The following FRAS1 variants were observed in gnomAD, a reference collection of about 807,000 sequenced individuals.
FRAS1 encodes the protein extracellular matrix organizing protein FRAS1.
In FRAS1, 290 loss-of-function variants were observed where a neutral mutation model predicts 435.2. That is an observed-to-expected ratio of 0.67 (90% CI 0.61 to 0.73). The LOEUF is 0.73. Ranked by LOEUF, FRAS1 falls within the 30% of genes least tolerant of loss-of-function variation. FRAS1 has a pLI of 0.00. For synonymous variants in FRAS1, 1,800 were observed against 1,851.0 expected (o/e 0.97, Z 0.71); for missense variants, 4,860 against 5,001.5 (o/e 0.97, Z 0.85).
At chr4:78,484,280 T>C (rs1255143432) in intron 58 of FRAS1, among the ~76,000 whole-genome samples, 1 of 152,222 alleles carries the variant, frequency 6.6e-6, no homozygotes, top group African/African-American at 2.4e-5. Context: ...CACCATTTGT[T>C]TACTCACCTA....
At chr4:78,271,776 C>A (rs7698625) in intron 9 of FRAS1, among the ~76,000 whole-genome samples, 4 of 151,964 alleles carry the variant, frequency 2.6e-5, no homozygotes, top group African/African-American at 9.7e-5. Flanking sequence ...AATAAACATA[C>A]GTGTGCATGT....
chr4:78,451,900 A>T lies in FRAS1; in HGVS notation c.6583+9A>T. The T allele has an allele frequency of 6.2e-7, 1 of 1,605,734 alleles. No individual in the cohort carries two copies. Among genetic ancestry groups the T allele is most frequent in the Non-Finnish European group, 8.5e-7 (1 of 1,176,184 alleles). On this transcript the variant is annotated intron_variant, in intron 46 of 73. Coordinates refer to ENST00000512123, the MANE Select transcript of FRAS1 (RefSeq NM_025074.7). ...TTCCATCAGCATTCTAGGTAAAGAG[A>T]CATTTGATTTTCTAATATAAAACTA...
intron 31 of FRAS1, among the ~76,000 whole-genome samples, chr4:78,410,408 A>T (rs1051485727): frequency 1.3e-5 from 2 of 150,658 alleles, no homozygotes; most frequent in African/African-American, 4.9e-5. Context: ...AAAAATAAAA[A>T]ATAAAAATAA....
chr4:78,147,454 C>G (rs1720464442), intron 2 of FRAS1, among the ~76,000 whole-genome samples: 1 of 152,132 alleles, frequency 6.6e-6, no homozygotes, highest in African/African-American at 2.4e-5. Flanking sequence ...TGTATCCTCT[C>G]TGAGTCTCAG....
chr4:78,110,337 C>T (rs1742637364), intron 2 of FRAS1, among the ~76,000 whole-genome samples: 1 of 127,992 alleles, frequency 7.8e-6, no homozygotes, highest in Admixed American at 8.5e-5. Flanking sequence ...ATCACACTAC[C>T]TGAGTTCAAA....
At chr4:78,500,809 T>C (rs1496588) in intron 61 of FRAS1, among the ~76,000 whole-genome samples, 71,850 of 151,834 alleles carry the variant, frequency 0.47, 17,197 homozygotes, top group South Asian at 0.57. Context: ...TATCTCAAGA[T>C]GGAACTGTCT....
intron 34 of FRAS1, among the ~76,000 whole-genome samples, chr4:78,423,085 G>A (rs1733854476): frequency 6.6e-6 from 1 of 152,102 alleles, no homozygotes; most frequent in Admixed American, 6.5e-5. Context: ...TGACCAGAAA[G>A]CAGGAGTTTT....
intron 14 of FRAS1, among the ~76,000 whole-genome samples, chr4:78,303,802 C>T (rs900314416): frequency 1.1e-4 from 17 of 151,244 alleles, no homozygotes; most frequent in Non-Finnish European, 1.0e-4. Flanking sequence ...CATCTGCAAA[C>T]AGGTACAATT....
chr4:78,432,974 T>C (rs1734272524), intron 38 of FRAS1, among the ~76,000 whole-genome samples: 1 of 152,212 alleles, frequency 6.6e-6, no homozygotes, highest in Non-Finnish European at 1.5e-5. Context: ...CAATGACTAG[T>C]AGGTAATGAT....
chr4:78,473,521 A>T lies in FRAS1; in HGVS notation c.7606A>T (p.Lys2536Ter), dbSNP rs1438174608. The T allele has an allele frequency of 6.2e-7, 1 of 1,613,412 alleles. No individual in the cohort carries two copies. Residue 2536 changes from lysine (K) to a stop codon, truncating the protein, a stop_gained, in exon 53 of 74, where the codon AAA becomes TAA. Coordinates refer to ENST00000512123, the MANE Select transcript of FRAS1 (RefSeq NM_025074.7). LOFTEE classifies it high-confidence loss of function. ...EMMDSFQFLV[K>*]DSKPNVVSDN... The stretch of plus-strand genomic sequence containing the variant: ...GATGGATAGTTTTCAGTTTCTGGTG[A>T]AAGACAGTAAACCCAATGTGGTCAG...
At chr4:78,183,732 TTGTGTGTG>T (rs3974339) in intron 2 of FRAS1, among the ~76,000 whole-genome samples, 1,858 of 137,028 alleles carry the variant, frequency 0.014, 23 homozygotes, top group Middle Eastern at 0.04. Flanking sequence ...TTCATTCTCT[TTGTGTGTG>T]TGTGTGTGTG....
chr4:78,205,377 A>T (rs1723214494), intron 2 of FRAS1, among the ~76,000 whole-genome samples: 1 of 151,894 alleles, frequency 6.6e-6, no homozygotes. Context: ...AATTTTTTGT[A>T]GAGGGAGGAT....
rs1275908278 is a variant in FRAS1 at position 78,237,551 on chromosome 4, T to C, written c.150T>C (p.Arg50=). ...IWKPDSCQSC[R]CHGDIVICKP... is the part of the protein sequence containing the mutation. ...AGCCCGATTCATGCCAGAGCTGCCGTTGCCATGGTGATATTGTTATCTGCA... is the reference window on the plus strand; with the variant it reads ...AGCCCGATTCATGCCAGAGCTGCCGCTGCCATGGTGATATTGTTATCTGCA... Residue 50 remains arginine (R), a synonymous_variant, in exon 3 of 74, where the codon CGT becomes CGC. Transcript: ENST00000512123. 3.7e-6 allele frequency: 6 copies of C among 1,613,324 alleles called. No homozygotes were observed. In the African/African-American group the frequency reaches 5.3e-5, roughly 14 times the overall value.
intron 47 of FRAS1, among the ~76,000 whole-genome samples, chr4:78,458,227 T>A (rs1719264132): frequency 1.3e-5 from 2 of 152,142 alleles, no homozygotes; most frequent in South Asian, 2.1e-4. Context: ...TCCTCACTAG[T>A]TTTCTATCGT....
intron 2 of FRAS1, among the ~76,000 whole-genome samples, chr4:78,236,605 C>G (rs975062796): frequency 1.3e-5 from 2 of 152,142 alleles, no homozygotes; most frequent in South Asian, 2.1e-4. Context: ...GTGTTTCAAT[C>G]TGAAGTCATG....
chr4:78,449,361 A>T (rs542869506), intron 44 of FRAS1, among the ~76,000 whole-genome samples: 4 of 152,266 alleles, frequency 2.6e-5, no homozygotes, highest in African/African-American at 9.6e-5. Flanking sequence ...TGAGAGGAAG[A>T]CATTACCTCA....
chr4:78,445,840 T>C, intron 42 of FRAS1, 128 bp downstream of exon 42: 3 of 1,413,526 alleles, frequency 2.1e-6, no homozygotes, highest in Non-Finnish European at 1.8e-6. Context: ...AAGGTCGTTC[T>C]TAAAATATAG....
chr4:78,234,100 A>C (rs1164712738), intron 2 of FRAS1, among the ~76,000 whole-genome samples: 2 of 152,210 alleles, frequency 1.3e-5, no homozygotes, highest in Non-Finnish European at 2.9e-5. Context: ...TGGCTTTGTG[A>C]AGCAGTCATT....
rs987015236 is a variant in FRAS1, at chr4:78,229,934, G to A, written c.109-7576G>A. ...GGAGGCAGCTTGTCCCTTTCTTTCCGTCTCCCTACCTCCACCCTTGGCACC... is the reference window on the plus strand; with the variant it reads ...GGAGGCAGCTTGTCCCTTTCTTTCCATCTCCCTACCTCCACCCTTGGCACC... On this transcript the variant is annotated intron_variant, in intron 2 of 73. Coordinates refer to ENST00000512123, the MANE Select transcript of FRAS1 (RefSeq NM_025074.7). Among the ~76,000 whole-genome samples the A allele has an allele frequency of 7.2e-5, 11 of 152,222 alleles. No individual in the cohort carries two copies. In the South Asian group the frequency reaches 8.3e-4, roughly 11 times the overall value.
Sources: gnomAD v4.1 joint callset for allele counts (sites outside exome capture counted in the v4.1 genomes callset) on GRCh38, gnomAD v4.1.1 for gene constraint, MANE v1.5 for transcripts, NCBI Gene and HGNC (gene_info 2026-07-23, HGNC 2026-07-21) for gene names.